The following ZNF257 variants were observed in gnomAD, a reference collection of about 807,000 sequenced individuals.
ZNF257 encodes the protein bone marrow zinc finger 4.
Under a neutral mutation model 11.9 loss-of-function variants are expected in ZNF257, and 12 were observed. The observed-to-expected ratio is 1.01, with a 90% CI of 0.65 to 1.63. The LOEUF (loss-of-function observed/expected upper bound fraction) is 1.63, where lower values mean the gene tolerates loss of function less well. Among genes scored for constraint, ZNF257 ranks in the 40% most tolerant of loss-of-function variants. The probability of loss-of-function intolerance (pLI) is 0.00; values close to 1 mark genes in which losing one functional copy is unlikely to be tolerated. For missense variants in ZNF257, 580 were observed against 665.5 expected (o/e 0.87, Z 1.41); for synonymous variants, 183 against 222.7 (o/e 0.82, Z 1.59).
chr19:22,063,628 A>T lies in ZNF257; in HGVS notation c.4-9181A>T, dbSNP rs1468844664. On this transcript the variant is annotated intron_variant, in intron 1 of 3. Transcript: ENST00000594947. Reference sequence around the variant, plus strand: ...CATTATTTGCCCAAAAGTCATTTAAATGCGGGTTGTTTAATTTTCATATAA... The same window carrying T: ...CATTATTTGCCCAAAAGTCATTTAATTGCGGGTTGTTTAATTTTCATATAA... Among the ~76,000 whole-genome samples the T allele has an allele frequency of 2.0e-5, 3 of 152,154 alleles. No individual in the cohort carries two copies. The East Asian group carries it at 5.8e-4, about 29-fold the overall frequency.
At chr19:22,084,111 G>GC (rs2022420423) in intron 3 of ZNF257, among the ~76,000 whole-genome samples, 1 of 149,796 alleles carries the variant, frequency 6.7e-6, no homozygotes, top group Admixed American at 6.6e-5. Context: ...TCGCACTCCA[G>GC]CCTGGGGGAC....
intron 1 of ZNF257, among the ~76,000 whole-genome samples, chr19:22,062,779 G>A: frequency 6.6e-6 from 1 of 152,162 alleles, no homozygotes; most frequent in African/African-American, 2.4e-5. Context: ...CTCCTGGCCA[G>A]CCACTGCACC....
intron 3 of ZNF257, 135 bp downstream of exon 3, chr19:22,073,699 A>C (rs202004399): frequency 1.8e-6 from 2 of 1,114,908 alleles, no homozygotes; most frequent in East Asian, 5.6e-5. Context: ...CTGAGTTTGC[A>C]TTTTTTTTTT....
intron 3 of ZNF257, among the ~76,000 whole-genome samples, chr19:22,084,818 C>T (rs1196059602): frequency 6.6e-6 from 1 of 151,254 alleles, no homozygotes; most frequent in Non-Finnish European, 1.5e-5. Context: ...TAACTCCTGC[C>T]TCCCGGGTTC....
intron 1 of ZNF257, chr19:22,064,058 T>G (rs932440033): frequency 2.6e-5 from 4 of 152,338 alleles, no homozygotes; most frequent in African/African-American, 9.6e-5. Context: ...CATTTCTCTC[T>G]TCTGCTTTTT....
At chr19:22,083,003 A>G (rs1302435320) in intron 3 of ZNF257, among the ~76,000 whole-genome samples, 1 of 152,080 alleles carries the variant, frequency 6.6e-6, no homozygotes, top group South Asian at 2.1e-4. Flanking sequence ...TATAACTTGT[A>G]TATTTGTGGT....
chr19:22,061,498 C>A lies in ZNF257; in HGVS notation c.3+8863C>A, dbSNP rs183691659. On this transcript the variant is annotated intron_variant, in intron 1 of 3. Coordinates refer to ENST00000594947, the MANE Select transcript of ZNF257 (RefSeq NM_033468.4). The stretch of plus-strand genomic sequence containing the variant: ...TGTACATTTATTTTGTATCCTGAAA[C>A]TTTTCTGCAGTTGTTTGTCAGTTTA... Among the ~76,000 whole-genome samples the A allele has an allele frequency of 1.4e-4, 21 of 152,132 alleles. No individual in the cohort carries two copies. In the East Asian group the frequency reaches 3.7e-3, roughly 27 times the overall value.
chr19:22,052,491 C>T lies in ZNF257; in HGVS notation c.-142C>T. The stretch of plus-strand genomic sequence containing the variant: ...CTTCCGGGTTTGGCGGGTACTTTGT[C>T]TCTCGCTCTAGCCCGAGCTGCAGGT... On this transcript the variant is annotated 5_prime_UTR_variant, in exon 1 of 4. Coordinates refer to ENST00000594947, the MANE Select transcript of ZNF257 (RefSeq NM_033468.4). 2 of 977,626 alleles carry T rather than the reference C, an allele frequency of 2.0e-6. No homozygotes were observed. The highest frequency in any genetic ancestry group is 3.1e-6 in the Non-Finnish European group (2 of 646,730). 60.6% of individuals were successfully genotyped at this position (977,626 alleles called of 1,614,324 possible).
At chr19:22,061,872 T>C (rs1421498612) in intron 1 of ZNF257, among the ~76,000 whole-genome samples, 1 of 152,092 alleles carries the variant, frequency 6.6e-6, no homozygotes, top group Non-Finnish European at 1.5e-5. Context: ...GAAAGCTTTT[T>C]TTTTTTGTTG....
chr19:22,064,000 C>T (rs1370576714), intron 1 of ZNF257: 3 of 152,186 alleles, frequency 2.0e-5, no homozygotes, highest in Non-Finnish European at 4.4e-5. Context: ...CTTCATAGGT[C>T]TCTAAGAACT....
At chr19:22,062,223 CTTTT>C (rs34283330) in intron 1 of ZNF257, among the ~76,000 whole-genome samples, 1 of 101,800 alleles carries the variant, frequency 9.8e-6, no homozygotes. Context: ...ACTGCGCCTG[CTTTT>C]TTTTTTTTTT....
At chr19:22,072,310 T>C (rs2022121920) in intron 1 of ZNF257, among the ~76,000 whole-genome samples, 1 of 152,112 alleles carries the variant, frequency 6.6e-6, no homozygotes, top group East Asian at 1.9e-4. Flanking sequence ...TGCCCCTCTT[T>C]CTTAGGTTTT....
chr19:22,087,561 G>A, intron 3 of ZNF257: 1 of 1,230,214 alleles, frequency 8.1e-7, no homozygotes. Flanking sequence ...TGAAACCAGT[G>A]TCTTGAAAGA....
intron 1 of ZNF257, among the ~76,000 whole-genome samples, chr19:22,055,451 T>C (rs965169771): frequency 3.3e-5 from 5 of 152,138 alleles, no homozygotes; most frequent in African/African-American, 9.6e-5. Context: ...GGTGATCCAC[T>C]CACCTCGGAC....
chr19:22,054,178 T>G (rs1438267890), intron 1 of ZNF257, among the ~76,000 whole-genome samples: 1 of 151,822 alleles, frequency 6.6e-6, no homozygotes, highest in Admixed American at 6.6e-5. Context: ...GTTCAAGCTA[T>G]TCTCCTGTCT....
At chr19:22,076,671 G>A (rs919772661) in intron 3 of ZNF257, among the ~76,000 whole-genome samples, 5 of 151,980 alleles carry the variant, frequency 3.3e-5, no homozygotes, top group Non-Finnish European at 5.9e-5. Context: ...TTCCATATTA[G>A]TGTGTTTTTT....
chr19:22,062,710 G>A (rs1231060834), intron 1 of ZNF257, among the ~76,000 whole-genome samples: 3 of 152,024 alleles, frequency 2.0e-5, no homozygotes, highest in East Asian at 1.9e-4. Context: ...TTGAACTCCC[G>A]ACCTCAGGTG....
In ZNF257 at chr19:22,080,096, C is replaced by T. The variant is rs1599671470; in HGVS notation, c.226+6532C>T. Among the ~76,000 whole-genome samples, 4 of 152,074 alleles carry T rather than the reference C, an allele frequency of 2.6e-5. No homozygotes were observed. In the South Asian group the frequency reaches 8.3e-4, roughly 32 times the overall value. On this transcript the variant is annotated intron_variant, in intron 3 of 3. Transcript: ENST00000594947. ...CTGGGCTCAAGTGATCCTTTCACCT[C>T]AGCATCCCTAGTAGCTGGGACTATA...
intron 1 of ZNF257, among the ~76,000 whole-genome samples, chr19:22,071,487 T>C (rs73930396): frequency 0.048 from 7,334 of 152,044 alleles, 621 homozygotes; most frequent in African/African-American, 0.17. Context: ...ATGGCTTTTT[T>C]TTTTCAACTA....
Sources: gnomAD v4.1 joint callset for allele counts (sites outside exome capture counted in the v4.1 genomes callset) on GRCh38, gnomAD v4.1.1 for gene constraint, MANE v1.5 for transcripts, NCBI Gene and HGNC (gene_info 2026-07-23, HGNC 2026-07-21) for gene names.